Variants in ZNF362 observed in about 807,000 individuals in gnomAD.
The protein encoded by ZNF362 is zinc finger protein 362.
In ZNF362, 11 loss-of-function variants were observed where a neutral mutation model predicts 42.9. The observed-to-expected ratio is 0.26, with a 90% CI of 0.16 to 0.42. The LOEUF (loss-of-function observed/expected upper bound fraction) is 0.42, where lower values mean the gene tolerates loss of function less well. ZNF362 is among the 20% of genes least tolerant of loss of function. The pLI, the probability that ZNF362 is intolerant of heterozygous loss-of-function variation, is 1.00. For synonymous variants in ZNF362, 255 were observed against 257.3 expected (o/e 0.99, Z 0.09); for missense variants, 362 against 576.2 (o/e 0.63, Z 3.81).
At chr1:33,137,243 C>T in the ZNF362 span, among the ~76,000 whole-genome samples, 4 of 152,136 alleles carry the variant, frequency 2.6e-5, no homozygotes, top group Non-Finnish European at 5.9e-5. Context: ...TTGGGAGTCA[C>T]ACAGCCCTGG....
the ZNF362 span, among the ~76,000 whole-genome samples, chr1:33,196,739 T>C: frequency 6.6e-6 from 1 of 152,188 alleles, no homozygotes; most frequent in Non-Finnish European, 1.5e-5. Context: ...CTGTACATAA[T>C]TGTATGTGCT....
chr1:33,239,210 G>C, the ZNF362 span, among the ~76,000 whole-genome samples: 1 of 152,168 alleles, frequency 6.6e-6, no homozygotes, highest in African/African-American at 2.4e-5. Flanking sequence ...TCACTCTGGT[G>C]GGGAGTTGCA....
the ZNF362 span, among the ~76,000 whole-genome samples, chr1:33,180,713 T>G: frequency 1.3e-5 from 2 of 152,140 alleles, no homozygotes; most frequent in Non-Finnish European, 2.9e-5. Context: ...CCAGTTCTGA[T>G]CTCACTTGTT....
chr1:33,135,142 TA>T, the ZNF362 span, among the ~76,000 whole-genome samples: 1 of 152,094 alleles, frequency 6.6e-6, no homozygotes, highest in Non-Finnish European at 1.5e-5. Context: ...AAAAAAAATT[TA>T]GCCGGGCATG....
At chr1:33,156,964 G>A in the ZNF362 span, among the ~76,000 whole-genome samples, 3 of 69,800 alleles carry the variant, frequency 4.3e-5, no homozygotes, top group African/African-American at 1.7e-4. Context: ...CCTGCTTCAC[G>A]CCCACATCAC....
upstream of ZNF362, among the ~76,000 whole-genome samples, chr1:33,253,871 G>A (rs1414450358): frequency 6.6e-6 from 1 of 152,002 alleles, no homozygotes; most frequent in African/African-American, 2.4e-5. Context: ...ATTAATTAAA[G>A]GTATTAATTT....
At chr1:33,257,853 A>G (rs1344152022) in intron 1 of ZNF362, among the ~76,000 whole-genome samples, 1 of 152,086 alleles carries the variant, frequency 6.6e-6, no homozygotes, top group Non-Finnish European at 1.5e-5. Flanking sequence ...CCCCCCGTGT[A>G]GGCTGGAATC....
At chr1:33,238,409 A>AT in the ZNF362 span, among the ~76,000 whole-genome samples, 4 of 133,266 alleles carry the variant, frequency 3.0e-5, no homozygotes, top group African/African-American at 5.4e-5. Flanking sequence ...ATAAAATAAA[A>AT]AAAGAGATCT....
At chr1:33,141,495 A>G in the ZNF362 span, among the ~76,000 whole-genome samples, 1 of 152,144 alleles carries the variant, frequency 6.6e-6, no homozygotes, top group African/African-American at 2.4e-5. Flanking sequence ...CCCTTCCAGC[A>G]TTCAGATTCG....
intron 4 of ZNF362, among the ~76,000 whole-genome samples, chr1:33,277,381 G>C (rs1324892224): frequency 6.6e-6 from 1 of 152,206 alleles, no homozygotes; most frequent in Non-Finnish European, 1.5e-5. Flanking sequence ...CTGTTTTGAT[G>C]CTGAGTTCTG....
intron 2 of ZNF362, among the ~76,000 whole-genome samples, chr1:33,271,039 G>T (rs1645899543): frequency 6.6e-6 from 1 of 152,150 alleles, no homozygotes; most frequent in African/African-American, 2.4e-5. Flanking sequence ...CTGCCTCTCT[G>T]CTCTGCTCCC....
intron 4 of ZNF362, 70 bp downstream of exon 4, chr1:33,276,664 C>T (rs1415200453): frequency 7.8e-7 from 1 of 1,286,844 alleles, no homozygotes; most frequent in Non-Finnish European, 9.8e-7. Flanking sequence ...TAGCGGGGGA[C>T]TTGGTGAGGA....
the ZNF362 span, chr1:33,145,716 C>G: frequency 1.1e-5 from 4 of 369,354 alleles, no homozygotes; most frequent in South Asian, 2.1e-5. Context: ...GCCCACTCCT[C>G]CAGTTCCCAC....
chr1:33,143,950 G>A, the ZNF362 span, among the ~76,000 whole-genome samples: 1 of 152,174 alleles, frequency 6.6e-6, no homozygotes. Context: ...CAGAATAGTG[G>A]GCATGGCCCC....
the ZNF362 span, among the ~76,000 whole-genome samples, chr1:33,129,788 G>A: frequency 9.8e-5 from 15 of 152,322 alleles, no homozygotes; most frequent in South Asian, 3.1e-3. This position sits in a 1 kb window ranked among gnomAD's most constrained non-coding sequence, Gnocchi z 4.1. Context: ...ACAATAAAGG[G>A]TGATGTTCCG....
the ZNF362 span, among the ~76,000 whole-genome samples, chr1:33,248,553 T>G: frequency 1.3e-5 from 2 of 152,192 alleles, no homozygotes; most frequent in Non-Finnish European, 2.9e-5. Context: ...GGACTGGAAT[T>G]TCCTATCTCA....
chr1:33,219,542 T>C, the ZNF362 span, among the ~76,000 whole-genome samples: 2 of 152,064 alleles, frequency 1.3e-5, no homozygotes, highest in African/African-American at 4.8e-5. Context: ...CAGGAAGATA[T>C]GGTGTTCCCA....
chr1:33,214,999 C>A, the ZNF362 span, among the ~76,000 whole-genome samples: 4 of 152,146 alleles, frequency 2.6e-5, no homozygotes, highest in Non-Finnish European at 5.9e-5. Context: ...AGTAGGTATA[C>A]ATCCAAATAA....
At chr1:33,243,855 G>A in the ZNF362 span, among the ~76,000 whole-genome samples, 3 of 150,664 alleles carry the variant, frequency 2.0e-5, no homozygotes, top group African/African-American at 4.9e-5. Flanking sequence ...TGATCCGCCC[G>A]CCTCGGCCTC....
Sources: allele counts gnomAD v4.1 joint callset (sites outside exome capture counted in the v4.1 genomes callset), GRCh38; gene constraint gnomAD v4.1.1; non-coding constraint Gnocchi (gnomAD v3.1); transcripts MANE v1.5; gene names NCBI Gene and HGNC (gene_info 2026-07-23, HGNC 2026-07-21).